GALNTL6: variants seen among roughly 807,000 people sequenced by gnomAD.
GALNTL6 encodes the protein polypeptide N-acetylgalactosaminyltransferase like 6.
GALNTL6 carries 46 observed loss-of-function variants against 73.7 expected under a neutral mutation model. The ratio of observed to expected loss-of-function variants is 0.62; its 90% confidence interval spans 0.49 to 0.80. The LOEUF (loss-of-function observed/expected upper bound fraction) is 0.80. Among genes scored for constraint, GALNTL6 ranks in the 30% least tolerant of loss-of-function variants. GALNTL6 has a pLI of 0.00. For missense variants in GALNTL6, 604 were observed against 755.0 expected (o/e 0.80, Z 2.34); for synonymous variants, 259 against 263.7 (o/e 0.98, Z 0.17).
At chr4:172,750,999 G>A (rs761279417) in intron 5 of GALNTL6, among the ~76,000 whole-genome samples, 1 of 152,152 alleles carries the variant, frequency 6.6e-6, no homozygotes, top group Non-Finnish European at 1.5e-5. Context: ...AATCTTATAT[G>A]TGGGTTGTGA....
chr4:171,891,367 C>G (rs191858632), intron 2 of GALNTL6, among the ~76,000 whole-genome samples: 1 of 152,130 alleles, frequency 6.6e-6, no homozygotes, highest in Admixed American at 6.5e-5. Flanking sequence ...ATGTTTCATT[C>G]TCACACCTGG....
chr4:172,517,189 A>AAC (rs200213988), intron 5 of GALNTL6, among the ~76,000 whole-genome samples: 1 of 151,638 alleles, frequency 6.6e-6, no homozygotes, highest in Non-Finnish European at 1.5e-5. Flanking sequence ...TGTGTATTTT[A>AAC]ACAATATAAT....
At chr4:172,109,554 GT>G (rs961042785) in intron 2 of GALNTL6, among the ~76,000 whole-genome samples, 1 of 152,192 alleles carries the variant, frequency 6.6e-6, no homozygotes, top group African/African-American at 2.4e-5. Flanking sequence ...CAGTTGTAAA[GT>G]TGTGAATAAC....
chr4:172,481,888 C>T (rs1389342564), intron 5 of GALNTL6, among the ~76,000 whole-genome samples: 1 of 152,224 alleles, frequency 6.6e-6, no homozygotes, highest in Non-Finnish European at 1.5e-5. Flanking sequence ...AGTACCTGCA[C>T]TCCTCAGCCC....
rs1231044866 is a variant in GALNTL6, at chr4:172,246,293, G to A, written c.247+16529G>A. ...CTAGAATGACTAGATTAATTTAATA[G>A]ACATTTACCTAGATAGCAATCTAAT... On this transcript the variant is annotated intron_variant, in intron 3 of 12. Transcript: ENST00000506823. Among the ~76,000 whole-genome samples the A allele has an allele frequency of 2.0e-5, 3 of 152,014 alleles. 1 individual carries two copies. Among genetic ancestry groups the A allele is most frequent in the Non-Finnish European group, 4.4e-5 (3 of 68,004 alleles).
At chr4:172,690,854 T>C (rs1437835) in intron 5 of GALNTL6, among the ~76,000 whole-genome samples, 64,821 of 152,048 alleles carry the variant, frequency 0.43, 16,053 homozygotes, top group East Asian at 0.68. Flanking sequence ...TTGATGTTTA[T>C]TATATTAATA....
At chr4:172,723,563 CTTTT>C (rs955381129) in intron 5 of GALNTL6, among the ~76,000 whole-genome samples, 1 of 151,516 alleles carries the variant, frequency 6.6e-6, no homozygotes, top group African/African-American at 2.4e-5. Context: ...TCCTAGCACA[CTTTT>C]TTTTTCTGAT....
intron 2 of GALNTL6, among the ~76,000 whole-genome samples, chr4:172,160,186 G>A (rs903564161): frequency 6.6e-6 from 1 of 152,002 alleles, no homozygotes; most frequent in African/African-American, 2.4e-5. Flanking sequence ...GTGCGTGTGT[G>A]GCCTTTGGGA....
chr4:172,151,982 C>CTATG (rs1734103976), intron 2 of GALNTL6, among the ~76,000 whole-genome samples: 3 of 98,968 alleles, frequency 3.0e-5, no homozygotes, highest in African/African-American at 9.4e-5. Context: ...ATCTATCTAT[C>CTATG]TATCTATGTT....
intron 5 of GALNTL6, among the ~76,000 whole-genome samples, chr4:172,694,124 C>CTTTTTT (rs5864154): frequency 1.4e-5 from 2 of 146,648 alleles, no homozygotes; most frequent in Non-Finnish European, 3.0e-5. Flanking sequence ...TGCACTATTT[C>CTTTTTT]TTTTTTTTTT....
chr4:171,872,176 A>AT (rs1309796576), intron 2 of GALNTL6, among the ~76,000 whole-genome samples: 5 of 152,142 alleles, frequency 3.3e-5, no homozygotes, highest in African/African-American at 1.2e-4. Flanking sequence ...TTGGAGAAAC[A>AT]TTTTTTATTT....
intron 10 of GALNTL6, among the ~76,000 whole-genome samples, chr4:172,996,163 G>C (rs997950065): frequency 7.4e-5 from 11 of 148,204 alleles, no homozygotes; most frequent in African/African-American, 1.5e-4. Flanking sequence ...AAGAAAATGT[G>C]ACACACACAC....
At chr4:172,275,502 C>T (rs1274442201) in intron 3 of GALNTL6, among the ~76,000 whole-genome samples, 1 of 152,098 alleles carries the variant, frequency 6.6e-6, no homozygotes, top group Non-Finnish European at 1.5e-5. Flanking sequence ...ATGATAGTAC[C>T]TACCTTAGGG....
At chr4:172,443,421 C>A (rs1181490046) in intron 5 of GALNTL6, among the ~76,000 whole-genome samples, 1 of 151,728 alleles carries the variant, frequency 6.6e-6, no homozygotes, top group East Asian at 1.9e-4. Flanking sequence ...CCACCTCGGC[C>A]TCCCAAAGTG....
chr4:172,585,365 C>T (rs1737361382), intron 5 of GALNTL6, among the ~76,000 whole-genome samples: 1 of 152,068 alleles, frequency 6.6e-6, no homozygotes, highest in South Asian at 2.1e-4. Context: ...GTTTTATGCC[C>T]CGCATGCATT....
intron 3 of GALNTL6, among the ~76,000 whole-genome samples, chr4:172,256,592 C>T (rs1738085572): frequency 6.6e-6 from 1 of 151,346 alleles, no homozygotes; most frequent in Non-Finnish European, 1.5e-5. Flanking sequence ...TAAATTCTAG[C>T]TGCATAGACC....
At chr4:172,930,128 A>T (rs1021843693) in intron 8 of GALNTL6, among the ~76,000 whole-genome samples, 1 of 152,146 alleles carries the variant, frequency 6.6e-6, no homozygotes, top group Admixed American at 6.5e-5. Context: ...AATACAAAAA[A>T]TTAGCTCAGC....
chr4:172,564,831 A>G (rs1482701616), intron 5 of GALNTL6, among the ~76,000 whole-genome samples: 1 of 152,258 alleles, frequency 6.6e-6, no homozygotes, highest in Non-Finnish European at 1.5e-5. Flanking sequence ...TAGATGAAAC[A>G]ACGAGTTTCA....
At chr4:172,939,474 T>A (rs1340808776) in intron 9 of GALNTL6, among the ~76,000 whole-genome samples, 1 of 152,202 alleles carries the variant, frequency 6.6e-6, no homozygotes, top group East Asian at 1.9e-4. Context: ...TTAAATACTA[T>A]GAGTTCATTG....
Sources: gnomAD v4.1 joint callset for allele counts (sites outside exome capture counted in the v4.1 genomes callset) on GRCh38, gnomAD v4.1.1 for gene constraint, MANE v1.5 for transcripts, NCBI Gene and HGNC (gene_info 2026-07-23, HGNC 2026-07-21) for gene names.